Variants in PPP6R3 observed in about 807,000 individuals in gnomAD.
PPP6R3 encodes the protein protein phosphatase 6 regulatory subunit 3.
PPP6R3 carries 38 observed loss-of-function variants against 110.7 expected under a neutral mutation model. The ratio of observed to expected loss-of-function variants is 0.34; its 90% CI spans 0.26 to 0.45. PPP6R3 has a LOEUF of 0.45. Among genes scored for constraint, PPP6R3 ranks in the 20% least tolerant of loss-of-function variants. PPP6R3 has a pLI of 1.00. For missense variants in PPP6R3, 870 were observed against 1,062.4 expected (o/e 0.82, Z 2.52); for synonymous variants, 369 against 373.5 (o/e 0.99, Z 0.14).
chr11:68,582,669 C>T (rs537231295), intron 14 of PPP6R3, among the ~76,000 whole-genome samples: 6 of 152,350 alleles, frequency 3.9e-5, no homozygotes, highest in East Asian at 1.9e-4. Flanking sequence ...CTGCAGGCCC[C>T]GTACATAGAA....
At chr11:68,509,156 A>T (rs2099094683) in intron 1 of PPP6R3, among the ~76,000 whole-genome samples, 1 of 152,166 alleles carries the variant, frequency 6.6e-6, no homozygotes, top group Non-Finnish European at 1.5e-5. Flanking sequence ...ATGTAAATAG[A>T]AATTAAATAC....
rs1312477334 is a variant in PPP6R3 at position 68,583,001 on chromosome 11, CT to C, written c.1546-38del. The C allele has an allele frequency of 1.0e-5, 14 of 1,350,140 alleles. No homozygotes were observed. In the African/African-American group the frequency reaches 1.7e-4, roughly 16 times the overall value. 83.6% of individuals were successfully genotyped at this position (1,350,140 alleles called of 1,614,324 possible). A position where few individuals can be genotyped will look rare whatever the true frequency, so the allele number is the denominator to read the frequency against. Reference sequence around the variant, plus strand: ...AAAATGCTGATACAAATGTCCAAAACTTTTCTATGTTAAATAGTCTTTTACA... The same window carrying C: ...AAAATGCTGATACAAATGTCCAAAACTTTCTATGTTAAATAGTCTTTTACA... On this transcript the variant is annotated intron_variant, in intron 14 of 23. Coordinates refer to ENST00000393800, the MANE Select transcript of PPP6R3 (RefSeq NM_001164161.2).
intron 18 of PPP6R3, among the ~76,000 whole-genome samples, chr11:68,593,501 T>A (rs965705915): frequency 3.9e-5 from 6 of 152,218 alleles, no homozygotes; most frequent in African/African-American, 1.2e-4. Context: ...TAGATTGTGA[T>A]GTTAAAGGTG....
chr11:68,507,622 CT>C (rs933101693), intron 1 of PPP6R3, among the ~76,000 whole-genome samples: 2 of 152,080 alleles, frequency 1.3e-5, no homozygotes, highest in African/African-American at 4.8e-5. Context: ...AACTTGGGTG[CT>C]TTAGAAAACG....
chr11:68,528,663 C>T lies in PPP6R3; in HGVS notation c.-6-8996C>T, dbSNP rs11820301. ...GGGGGAAGAGTTTCTCATTAACTTA[C>T]AACACTAAGAGATAACTTCCGTGGG... On this transcript the variant is annotated intron_variant, in intron 2 of 23. Transcript: ENST00000393800. 4.0e-3 allele frequency among the ~76,000 whole-genome samples: 611 copies of T among 152,290 alleles called. 5 individuals are homozygous for T. The highest frequency in any genetic ancestry group is 0.014 in the African/African-American group (564 of 41,554).
intron 8 of PPP6R3, among the ~76,000 whole-genome samples, chr11:68,561,390 C>G (rs910746198): frequency 5.3e-5 from 8 of 152,260 alleles, no homozygotes; most frequent in African/African-American, 1.9e-4. Flanking sequence ...ACCACCTCGC[C>G]CAGCTTTCTC....
At chr11:68,520,940 T>C (rs1011477919) in intron 2 of PPP6R3, among the ~76,000 whole-genome samples, 4 of 151,992 alleles carry the variant, frequency 2.6e-5, no homozygotes, top group Admixed American at 1.3e-4. Context: ...CCCGGCTAAT[T>C]TTTGTATTTT....
At chr11:68,471,135 A>G (rs1040175317) in intron 1 of PPP6R3, among the ~76,000 whole-genome samples, 40 of 151,980 alleles carry the variant, frequency 2.6e-4, no homozygotes, top group African/African-American at 9.2e-4. Context: ...ATACAAAAAA[A>G]TTAGCCGGCT....
At chr11:68,542,398 T>TTGTTTTTTTTG (rs1346036684) in intron 3 of PPP6R3, among the ~76,000 whole-genome samples, 1 of 111,746 alleles carries the variant, frequency 8.9e-6, no homozygotes, top group East Asian at 2.7e-4. Flanking sequence ...TGTTTTTTTT[T>TTGTTTTTTTTG]TTTTTTTTTT....
At chr11:68,594,611 T>G (rs549956856) in intron 18 of PPP6R3, among the ~76,000 whole-genome samples, 1 of 152,232 alleles carries the variant, frequency 6.6e-6, no homozygotes, top group African/African-American at 2.4e-5. Flanking sequence ...GGTAAATGTT[T>G]ATAAGTAGGA....
At chr11:68,596,321 G>T in intron 19 of PPP6R3, 103 bp downstream of exon 19, 1 of 1,502,316 alleles carries the variant, frequency 6.7e-7, no homozygotes, top group Non-Finnish European at 9.1e-7. Flanking sequence ...ATATCTGAAG[G>T]AAAGGTTGGG....
At chr11:68,583,539 C>A (rs111359914) in intron 15 of PPP6R3, among the ~76,000 whole-genome samples, 1 of 152,100 alleles carries the variant, frequency 6.6e-6, no homozygotes, top group African/African-American at 2.4e-5. Context: ...CACGAATACC[C>A]CTGATGTAAG....
At chr11:68,482,162 G>A (rs1272484699) in intron 1 of PPP6R3, among the ~76,000 whole-genome samples, 2 of 143,578 alleles carry the variant, frequency 1.4e-5, no homozygotes, top group Non-Finnish European at 3.0e-5. Flanking sequence ...GAGGCAAGCA[G>A]ATCACCTGAG....
At chr11:68,580,468 T>G (rs1236365010) in intron 14 of PPP6R3, among the ~76,000 whole-genome samples, 1 of 152,078 alleles carries the variant, frequency 6.6e-6, no homozygotes, top group Non-Finnish European at 1.5e-5. Context: ...GAGTGCTGGC[T>G]TGCACTGGGG....
chr11:68,484,173 A>C (rs924516634), intron 1 of PPP6R3, among the ~76,000 whole-genome samples: 2 of 152,238 alleles, frequency 1.3e-5, no homozygotes, highest in East Asian at 3.8e-4. Context: ...AAGATGCTGT[A>C]AATATCCGTG....
intron 22 of PPP6R3, among the ~76,000 whole-genome samples, chr11:68,606,347 G>A (rs574391602): frequency 5.3e-5 from 8 of 151,802 alleles, no homozygotes; most frequent in African/African-American, 1.7e-4. Context: ...TTCAAGATGA[G>A]TGCAGTGATG....
chr11:68,563,753 T>G (rs993189900), intron 8 of PPP6R3, among the ~76,000 whole-genome samples: 2 of 152,232 alleles, frequency 1.3e-5, no homozygotes, highest in African/African-American at 4.8e-5. Flanking sequence ...CCCAGAATTC[T>G]TATCCTTGAG....
intron 3 of PPP6R3, among the ~76,000 whole-genome samples, chr11:68,540,791 T>C (rs757617675): frequency 6.6e-6 from 1 of 152,204 alleles, no homozygotes; most frequent in Non-Finnish European, 1.5e-5. Context: ...CCATTTGCTT[T>C]TGAAAGAAGA....
intron 1 of PPP6R3, among the ~76,000 whole-genome samples, chr11:68,493,586 C>A (rs2098996634): frequency 7.0e-6 from 1 of 142,494 alleles, no homozygotes; most frequent in South Asian, 2.3e-4. Flanking sequence ...TGTGAGCCAT[C>A]ATGCTTGGGG....
Sources: gnomAD v4.1 joint callset for allele counts (sites outside exome capture counted in the v4.1 genomes callset) on GRCh38, gnomAD v4.1.1 for gene constraint, MANE v1.5 for transcripts, NCBI Gene and HGNC (gene_info 2026-07-23, HGNC 2026-07-21) for gene names.